The following MTARC2 variants were observed in gnomAD, a reference collection of about 807,000 sequenced individuals.
MTARC2 encodes the protein mitochondrial amidoxime reducing component 2.
MTARC2 carries 27 observed loss-of-function variants against 35.6 expected under a neutral mutation model. The observed-to-expected ratio is 0.76, with a 90% CI of 0.56 to 1.04. MTARC2 has a LOEUF of 1.04. Ranked by LOEUF, MTARC2 falls within the 50% of genes least tolerant of loss-of-function variation. The probability of loss-of-function intolerance (pLI) is 0.00; values close to 1 mark genes in which losing one functional copy is unlikely to be tolerated. For missense variants in MTARC2, 412 were observed against 432.5 expected (o/e 0.95, Z 0.42); for synonymous variants, 158 against 167.1 (o/e 0.95, Z 0.42).
intron 4 of MTARC2, chr1:220,770,456 G>T (rs910992459): frequency 1.0e-6 from 1 of 985,278 alleles, no homozygotes; most frequent in African/African-American, 1.7e-5. Flanking sequence ...GTGAACGCAC[G>T]CTTATCGATC....
chr1:220,761,264 T>G (rs1308734049), intron 2 of MTARC2, among the ~76,000 whole-genome samples: 1 of 152,250 alleles, frequency 6.6e-6, no homozygotes, highest in Non-Finnish European at 1.5e-5. Context: ...GACCCAGGTC[T>G]GTTGGATTCT....
intron 3 of MTARC2, among the ~76,000 whole-genome samples, chr1:220,762,262 G>A (rs1019814195): frequency 1.4e-4 from 21 of 152,276 alleles, no homozygotes; most frequent in African/African-American, 4.1e-4. Flanking sequence ...TCCCCCTAAG[G>A]AAAACTGTCC....
chr1:220,780,786 A>G (rs1161400189), intron 6 of MTARC2, among the ~76,000 whole-genome samples: 9 of 152,136 alleles, frequency 5.9e-5, no homozygotes, highest in Non-Finnish European at 1.2e-4. Context: ...TTGAAATTTT[A>G]GTATCTCTCA....
At chr1:220,775,170 C>T (rs1479005983) in intron 4 of MTARC2, among the ~76,000 whole-genome samples, 2 of 140,194 alleles carry the variant, frequency 1.4e-5, no homozygotes, top group African/African-American at 5.1e-5. Context: ...CCTTATTTCA[C>T]TTCTCTCTCT....
intron 7 of MTARC2, among the ~76,000 whole-genome samples, chr1:220,783,189 A>T (rs898231644): frequency 6.6e-6 from 1 of 152,220 alleles, no homozygotes; most frequent in Admixed American, 6.5e-5. Context: ...AACATTCAGG[A>T]TGCCTTTTGA....
At position 220,770,113 on chromosome 1, in the gene MTARC2, AC is replaced by A. The variant is rs1671703223; in HGVS notation, c.750+7064del. Among the ~76,000 whole-genome samples, 9 of 152,234 alleles carry A rather than the reference AC, an allele frequency of 5.9e-5. 1 individual carries two copies. Among genetic ancestry groups the A allele is most frequent in the African/African-American group, 2.2e-4 (9 of 41,528 alleles). On this transcript the variant is annotated intron_variant, in intron 4 of 7. Coordinates refer to ENST00000366913, the MANE Select transcript of MTARC2 (RefSeq NM_017898.5). ...CAGAGCAAGACTCTGTCTCAAAAAA[AC>A]AAAAACAAAACCAAAAACAAAACAA...
chr1:220,781,046 C>T (rs111650332), intron 6 of MTARC2, among the ~76,000 whole-genome samples: 3 of 138,094 alleles, frequency 2.2e-5, no homozygotes, highest in African/African-American at 9.6e-5. Flanking sequence ...GTTTGGCTGA[C>T]TTTAGTTCCC....
chr1:220,774,773 C>A (rs757235490), intron 4 of MTARC2, among the ~76,000 whole-genome samples: 4 of 152,184 alleles, frequency 2.6e-5, no homozygotes, highest in Non-Finnish European at 5.9e-5. Flanking sequence ...CTTCTGTGGT[C>A]AGCTGGTATT....
chr1:220,783,045 G>A (rs991504007), intron 7 of MTARC2, among the ~76,000 whole-genome samples: 9 of 151,982 alleles, frequency 5.9e-5, no homozygotes, highest in African/African-American at 2.2e-4. Flanking sequence ...CCTTTGAGGT[G>A]GGCAAAAAGG....
At chr1:220,764,039 C>A (rs775065707) in intron 4 of MTARC2, among the ~76,000 whole-genome samples, 9 of 152,030 alleles carry the variant, frequency 5.9e-5, no homozygotes, top group Admixed American at 1.3e-4. Flanking sequence ...CCTCTCAATT[C>A]TTTGCTCCCC....
Position 220,766,304 on chromosome 1 carries a change from C to T in MTARC2, c.750+3254C>T, listed in dbSNP as rs117307517. ...CTTGAAAGGTTCTGTGCAAATAAGG[C>T]GCCTGAGGCTCAAGCCTCAATGGCT... is the stretch of plus-strand genomic sequence containing the variant. On this transcript the variant is annotated intron_variant, in intron 4 of 7. Transcript: ENST00000366913. 6.4e-4 allele frequency among the ~76,000 whole-genome samples: 97 copies of T among 152,284 alleles called. 1 individual carries two copies. The East Asian group carries it at 0.016, about 25-fold the overall frequency.
At chr1:220,764,265 G>C (rs1671518596) in intron 4 of MTARC2, among the ~76,000 whole-genome samples, 1 of 151,936 alleles carries the variant, frequency 6.6e-6, no homozygotes. Context: ...GCTAATTTTT[G>C]TACTTTTAGT....
chr1:220,765,782 A>G (rs977098590), intron 4 of MTARC2, among the ~76,000 whole-genome samples: 4 of 152,136 alleles, frequency 2.6e-5, no homozygotes, highest in African/African-American at 9.7e-5. Context: ...GGGTCTCCCT[A>G]TGTTGCCCAG....
chr1:220,776,338 T>C (rs9970394), intron 4 of MTARC2, among the ~76,000 whole-genome samples: 3,617 of 152,288 alleles, frequency 0.024, 111 homozygotes, highest in African/African-American at 0.064. Flanking sequence ...GAGAAGACAC[T>C]GGAACTTGCT....
At position 220,767,605 on chromosome 1, in the gene MTARC2, G is replaced by A. The variant is rs540287888; in HGVS notation, c.750+4555G>A. Among the ~76,000 whole-genome samples the A allele has an allele frequency of 2.6e-5, 4 of 152,272 alleles. No individual in the cohort carries two copies. In the South Asian group the frequency reaches 8.3e-4, roughly 32 times the overall value. On this transcript the variant is annotated intron_variant, in intron 4 of 7. Coordinates refer to ENST00000366913, the MANE Select transcript of MTARC2 (RefSeq NM_017898.5). ...TCCTATCTCTGTAGTTGGCCATTGT[G>A]GGGTCAGTGTTTACTGATCTTTGCT... is the stretch of plus-strand genomic sequence containing the variant.
At chr1:220,766,719 A>G (rs1273491113) in intron 4 of MTARC2, among the ~76,000 whole-genome samples, 2 of 152,052 alleles carry the variant, frequency 1.3e-5, no homozygotes, top group East Asian at 1.9e-4. Flanking sequence ...TTGCCAACCT[A>G]TAATTTTTGC....
In MTARC2 at chr1:220,764,096, A is replaced by AT. The variant is rs879680096; in HGVS notation, c.750+1061dup. ...TTTTGTGTGAGTAAAATGTGCCCTA[A>AT]TTTTTTTTTTTTTTTGAGAGAGAGT... On this transcript the variant is annotated intron_variant, in intron 4 of 7. Coordinates refer to ENST00000366913, the MANE Select transcript of MTARC2 (RefSeq NM_017898.5). 8.4e-3 allele frequency among the ~76,000 whole-genome samples: 1,208 copies of AT among 143,006 alleles called. 7 individuals carry two copies. The highest frequency in any genetic ancestry group is 0.013 in the African/African-American group (497 of 39,086). The allele number at this position is 143,006 out of a possible 152,430, so 93.8% of individuals were successfully genotyped here.
At chr1:220,782,701 C>T (rs924340472) in intron 7 of MTARC2, among the ~76,000 whole-genome samples, 4 of 152,166 alleles carry the variant, frequency 2.6e-5, no homozygotes, top group Non-Finnish European at 5.9e-5. Context: ...TCTTGACACC[C>T]ACAACCTGAC....
At chr1:220,760,243 A>T (rs1671404581) in intron 2 of MTARC2, among the ~76,000 whole-genome samples, 2 of 152,260 alleles carry the variant, frequency 1.3e-5, no homozygotes, top group East Asian at 3.8e-4. Flanking sequence ...GCTGGTGTTG[A>T]TAAAGAGGGT....
Sources: allele counts gnomAD v4.1 joint callset (sites outside exome capture counted in the v4.1 genomes callset), GRCh38; gene constraint gnomAD v4.1.1; transcripts MANE v1.5; gene names NCBI Gene and HGNC (gene_info 2026-07-23, HGNC 2026-07-21).